The following SLC11A2 variants were observed in gnomAD, a reference collection of about 807,000 sequenced individuals.
SLC11A2 encodes natural resistance-associated macrophage protein 2.
In SLC11A2, 38 loss-of-function variants were observed where a neutral mutation model predicts 68.0. That is an observed-to-expected ratio of 0.56 (90% confidence interval 0.43 to 0.73). SLC11A2 has a LOEUF of 0.73. SLC11A2 is among the 30% of genes least tolerant of loss of function. SLC11A2 has a pLI of 0.00. For missense variants in SLC11A2, 517 were observed against 690.5 expected (o/e 0.75, Z 2.82); for synonymous variants, 242 against 250.6 (o/e 0.97, Z 0.32).
At chr12:51,012,306 G>C (rs770752588) in intron 1 of SLC11A2, among the ~76,000 whole-genome samples, 3 of 151,932 alleles carry the variant, frequency 2.0e-5, no homozygotes, top group Non-Finnish European at 4.4e-5. Context: ...CTTGGGAACA[G>C]ATCTATGGCA....
chr12:51,026,978 A>G (rs1254944075), upstream of SLC11A2, among the ~76,000 whole-genome samples: 1 of 152,126 alleles, frequency 6.6e-6, no homozygotes, highest in East Asian at 1.9e-4. Context: ...GGAGTTTGAG[A>G]CCAGCCTGAC....
At chr12:50,972,131 A>T in the SLC11A2 span, among the ~76,000 whole-genome samples, 1 of 152,252 alleles carries the variant, frequency 6.6e-6, no homozygotes, top group Non-Finnish European at 1.5e-5. Context: ...GCTGGCATGG[A>T]AATAAGTCAT....
chr12:50,984,710 C>A (rs186082809), downstream of SLC11A2, among the ~76,000 whole-genome samples: 12 of 152,278 alleles, frequency 7.9e-5, no homozygotes, highest in Non-Finnish European at 1.8e-4. Context: ...AGGGCCCTGT[C>A]CATTCTCTAC....
chr12:50,992,181 C>CCTCCTCACCTGT lies in SLC11A2; in HGVS notation c.1344_1347+8dup. Reference sequence around the variant, plus strand: ...TAACTAGGATGTGTTTCCTCAGCTTCCTCCTCACCTGTAAGCTCTGTAGAA... The same window carrying CCTCCTCACCTGT: ...TAACTAGGATGTGTTTCCTCAGCTTCCTCCTCACCTGTCTCCTCACCTGTAAGCTCTGTAGAA... On this transcript the variant is annotated intron_variant, in intron 13 of 15. Coordinates refer to ENST00000262052, the MANE Select transcript of SLC11A2 (RefSeq NM_000617.3). 1 of 1,613,678 alleles carries CCTCCTCACCTGT rather than the reference C, an allele frequency of 6.2e-7. No individual in the cohort carries two copies. Among genetic ancestry groups the CCTCCTCACCTGT allele is most frequent in the Non-Finnish European group, 8.5e-7 (1 of 1,179,666 alleles).
downstream of SLC11A2, among the ~76,000 whole-genome samples, chr12:50,985,444 T>C (rs190739140): frequency 3.7e-3 from 559 of 152,274 alleles, 6 homozygotes; most frequent in African/African-American, 0.013. Flanking sequence ...CTGGGACAAA[T>C]CAAGTGCTGA....
rs149020778 is a variant in SLC11A2, at chr12:51,009,716, A to G, written c.34+979T>C. On this transcript the variant is annotated intron_variant, in intron 2 of 15. Transcript: ENST00000262052. Reference sequence around the variant, plus strand: ...CGCCCTGTATTTTACTGCTCCATACACATCTGAAACACCAGGAAGCATCAT... The same window carrying G: ...CGCCCTGTATTTTACTGCTCCATACGCATCTGAAACACCAGGAAGCATCAT... Among the ~76,000 whole-genome samples, 277 of 152,288 alleles carry G rather than the reference A, an allele frequency of 1.8e-3. 1 individual carries two copies. The highest frequency in any genetic ancestry group is 0.017 in the Middle Eastern group (5 of 294).
chr12:50,973,925 G>A, the SLC11A2 span, among the ~76,000 whole-genome samples: 1 of 152,164 alleles, frequency 6.6e-6, no homozygotes, highest in African/African-American at 2.4e-5. Flanking sequence ...GAAGTGAGAA[G>A]AGAAGTTTAG....
intron 1 of SLC11A2, among the ~76,000 whole-genome samples, chr12:51,019,685 T>C (rs1369867073): frequency 6.6e-6 from 1 of 150,630 alleles, no homozygotes; most frequent in Non-Finnish European, 1.5e-5. Context: ...TCTTGCTCTG[T>C]CACCCAGGCT....
chr12:50,965,324 C>T, the SLC11A2 span, among the ~76,000 whole-genome samples: 3 of 148,150 alleles, frequency 2.0e-5, no homozygotes, highest in Non-Finnish European at 4.5e-5. Context: ...AGTCTTGCTA[C>T]ATTGCCCAGG....
At chr12:51,018,335 A>C (rs1351759558) in intron 1 of SLC11A2, among the ~76,000 whole-genome samples, 1 of 152,066 alleles carries the variant, frequency 6.6e-6, no homozygotes, top group Admixed American at 6.6e-5. Context: ...TGGAGGTTGC[A>C]GTGAGCCGAG....
chr12:50,957,878 C>T, the SLC11A2 span, among the ~76,000 whole-genome samples: 1 of 149,416 alleles, frequency 6.7e-6, no homozygotes, highest in African/African-American at 2.5e-5. Context: ...AGAGTGAGAC[C>T]CTGTCTGAAG....
chr12:51,022,927 T>G (rs1206702857), intron 1 of SLC11A2, among the ~76,000 whole-genome samples: 2 of 152,252 alleles, frequency 1.3e-5, no homozygotes, highest in Non-Finnish European at 2.9e-5. Flanking sequence ...AAAATATAAA[T>G]TACTTTAACC....
downstream of SLC11A2, among the ~76,000 whole-genome samples, chr12:50,983,620 T>C (rs1407289226): frequency 6.6e-6 from 1 of 152,062 alleles, no homozygotes; most frequent in Non-Finnish European, 1.5e-5. Context: ...GGCAGATCAC[T>C]TGAGGTCAGG....
Position 51,011,552 on chromosome 12 carries a change from G to GTTTTT in SLC11A2, c.-38-791_-38-787dup, listed in dbSNP as rs772957287. Among the ~76,000 whole-genome samples the GTTTTT allele has an allele frequency of 7.2e-5, 9 of 125,216 alleles. 2 individuals carry two copies. Among genetic ancestry groups the GTTTTT allele is most frequent in the South Asian group, 2.6e-4 (1 of 3,822 alleles). 82.1% of individuals were successfully genotyped at this position (125,216 alleles called of 152,430 possible). A position where few individuals can be genotyped will look rare whatever the true frequency, so the allele number is the denominator to read the frequency against. On this transcript the variant is annotated intron_variant, in intron 1 of 15. Transcript: ENST00000262052. ...CACATTTCCCCCTATTTTATGAGTTGTTTTTTTTTGTTTTTTTTTTAGTTT... is the reference window on the plus strand; with the variant it reads ...CACATTTCCCCCTATTTTATGAGTTGTTTTTTTTTTTTTTGTTTTTTTTTTAGTTT...
the SLC11A2 span, chr12:50,970,577 A>G: frequency 3.0e-4 from 278 of 912,290 alleles, no homozygotes; most frequent in Non-Finnish European, 4.5e-4. Context: ...TAAATTTTCA[A>G]TATGTAGCAA....
chr12:50,973,232 G>C, the SLC11A2 span, among the ~76,000 whole-genome samples: 1 of 152,172 alleles, frequency 6.6e-6, no homozygotes, highest in East Asian at 1.9e-4. Flanking sequence ...CTAACTGGGA[G>C]GCACCCCCCA....
chr12:51,019,672 G>A (rs1213730693), intron 1 of SLC11A2, among the ~76,000 whole-genome samples: 1 of 132,248 alleles, frequency 7.6e-6, no homozygotes, highest in Non-Finnish European at 1.6e-5. Context: ...TTTTGAGATA[G>A]TGTCTTGCTC....
intron 5 of SLC11A2, among the ~76,000 whole-genome samples, chr12:51,004,483 A>G (rs1372320532): frequency 6.6e-6 from 1 of 152,248 alleles, no homozygotes; most frequent in African/African-American, 2.4e-5. Flanking sequence ...AAGTGCTTAG[A>G]GAGAGCATCC....
At position 50,992,485 on chromosome 12, in the gene SLC11A2, C is replaced by CT. The variant is rs1420662528; in HGVS notation, c.1198-147dup. The CT allele has an allele frequency of 6.6e-6, 5 of 762,764 alleles. No individual in the cohort carries two copies. The East Asian group carries it at 1.4e-4, about 21-fold the overall frequency. 47.2% of individuals were successfully genotyped at this position (762,764 alleles called of 1,614,324 possible). A position where few individuals can be genotyped will look rare whatever the true frequency, so the allele number is the denominator to read the frequency against. On this transcript the variant is annotated intron_variant, in intron 12 of 15. Transcript: ENST00000262052. ...GTGGCTCACGCCTGTAATCCCAGCA[C>CT]TTTGAGAGGCCAAGGCGGGTAGATC... is the stretch of plus-strand genomic sequence containing the variant.
Sources: gnomAD v4.1 joint callset for allele counts (sites outside exome capture counted in the v4.1 genomes callset) on GRCh38, gnomAD v4.1.1 for gene constraint, MANE v1.5 for transcripts, NCBI Gene and HGNC (gene_info 2026-07-23, HGNC 2026-07-21) for gene names.